Variants in ANO2 observed in about 807,000 individuals in gnomAD.
ANO2 encodes the protein anoctamin-2.
In ANO2, 101 loss-of-function variants were observed where a neutral mutation model predicts 124.2. The observed-to-expected ratio is 0.81, with a 90% CI of 0.69 to 0.96. The LOEUF (loss-of-function observed/expected upper bound fraction) is 0.96. Among genes scored for constraint, ANO2 ranks in the 40% least tolerant of loss-of-function variants. The pLI is 0.00. For missense variants in ANO2, 1,293 were observed against 1,274.5 expected (o/e 1.01, Z -0.22); for synonymous variants, 486 against 482.5 (o/e 1.01, Z -0.09).
chr12:5,563,147 A>T lies in ANO2; in HGVS notation c.*152T>A. The T allele has an allele frequency of 4.9e-6, 5 of 1,028,764 alleles. No individual in the cohort carries two copies. The highest frequency in any genetic ancestry group is 6.9e-6 in the Non-Finnish European group (5 of 728,894). The allele number at this position is 1,028,764 out of a possible 1,614,324, so 63.7% of individuals were successfully genotyped here. A position where few individuals can be genotyped will look rare whatever the true frequency, so the allele number is the denominator to read the frequency against. On this transcript the variant is annotated 3_prime_UTR_variant, in exon 25 of 25. Transcript: ENST00000682330. ...TCTTCCTTCCTACACTCATTCTGTC[A>T]GGCTCTTTCTTTTTACACACTGCCC...
chr12:5,679,308 G>A (rs776236253), intron 14 of ANO2, among the ~76,000 whole-genome samples: 1 of 152,210 alleles, frequency 6.6e-6, no homozygotes, highest in Admixed American at 6.5e-5. Context: ...AAGCTAAAGA[G>A]CTTCTGCACA....
intron 3 of ANO2, among the ~76,000 whole-genome samples, chr12:5,881,426 T>A (rs759615493): frequency 7.2e-5 from 11 of 152,148 alleles, no homozygotes; most frequent in Non-Finnish European, 1.6e-4. Context: ...CAGAGCCAAG[T>A]CTCTGTGAAA....
chr12:5,824,011 G>C (rs1953884493), intron 7 of ANO2, among the ~76,000 whole-genome samples: 1 of 152,170 alleles, frequency 6.6e-6, no homozygotes, highest in Non-Finnish European at 1.5e-5. Flanking sequence ...GGAGCGGCTG[G>C]AACACAGGGC....
intron 14 of ANO2, among the ~76,000 whole-genome samples, chr12:5,694,742 G>A (rs1565577616): frequency 6.6e-6 from 1 of 151,952 alleles, no homozygotes; most frequent in African/African-American, 2.4e-5. Context: ...TGTTTTGTTT[G>A]TTTGTTTGTT....
At chr12:5,665,921 T>C (rs1451601441) in intron 14 of ANO2, among the ~76,000 whole-genome samples, 1 of 152,016 alleles carries the variant, frequency 6.6e-6, no homozygotes. Flanking sequence ...TCATAACAAA[T>C]GATTAACGCA....
chr12:5,580,723 C>G (rs764852686), intron 20 of ANO2, among the ~76,000 whole-genome samples: 1 of 152,208 alleles, frequency 6.6e-6, no homozygotes, highest in Non-Finnish European at 1.5e-5. Context: ...AGGGAACAGG[C>G]ATGGAACTTT....
At chr12:5,834,220 C>T (rs993703507) in intron 4 of ANO2, among the ~76,000 whole-genome samples, 2 of 152,214 alleles carry the variant, frequency 1.3e-5, no homozygotes, top group Non-Finnish European at 2.9e-5. Context: ...CTTTAGGCTA[C>T]TAAGTGTGGG....
At chr12:5,653,262 A>G (rs1302714060) in intron 14 of ANO2, among the ~76,000 whole-genome samples, 2 of 152,184 alleles carry the variant, frequency 1.3e-5, no homozygotes, top group African/African-American at 2.4e-5. Context: ...CCTCCAGATA[A>G]TAACAAGAGG....
chr12:5,898,332 C>T (rs1000418427), intron 3 of ANO2, among the ~76,000 whole-genome samples: 1 of 152,164 alleles, frequency 6.6e-6, no homozygotes, highest in African/African-American at 2.4e-5. Flanking sequence ...GGAAACTTTC[C>T]AATAGTGTCT....
intron 20 of ANO2, among the ~76,000 whole-genome samples, chr12:5,582,939 G>A (rs1428409627): frequency 6.6e-6 from 1 of 151,956 alleles, no homozygotes; most frequent in African/African-American, 2.4e-5. Context: ...CGGTGCCTTG[G>A]GCATCTCTCA....
chr12:5,911,918 A>G (rs1565772450), intron 3 of ANO2, among the ~76,000 whole-genome samples: 4 of 152,244 alleles, frequency 2.6e-5, no homozygotes, highest in Admixed American at 2.6e-4. Flanking sequence ...GGTGGCACCC[A>G]GTAACAAAGA....
At chr12:5,921,394 C>T in intron 2 of ANO2, 28 bp from the exon 3 acceptor site, 4 of 1,603,532 alleles carry the variant, frequency 2.5e-6, no homozygotes, top group Non-Finnish European at 8.5e-7. Flanking sequence ...AGAGGCAGGG[C>T]AAGGTCTGGT....
rs1947279200 is a variant in ANO2, at chr12:5,658,530, T to C, written c.1546-10729A>G. Among the ~76,000 whole-genome samples the C allele has an allele frequency of 6.6e-6, 1 of 152,116 alleles. No homozygotes were observed. The highest frequency in any genetic ancestry group is 6.6e-5 in the Admixed American group (1 of 15,266). On this transcript the variant is annotated intron_variant, in intron 14 of 24. Transcript: ENST00000682330. This position sits in a 1 kb window ranked among gnomAD's most constrained non-coding sequence, Gnocchi z 4.3. ...ATCAATATAATCATCAACATCAATA[T>C]CATCGTATCAAAATCAATATAATCA...
chr12:5,831,904 TC>T (rs1320486004), intron 5 of ANO2, among the ~76,000 whole-genome samples: 2 of 152,056 alleles, frequency 1.3e-5, no homozygotes, highest in South Asian at 4.1e-4. Flanking sequence ...CAGCTGTGGC[TC>T]CCCCTTCCAA....
At chr12:5,603,312 A>G (rs4930739) in intron 19 of ANO2, among the ~76,000 whole-genome samples, 36,914 of 152,174 alleles carry the variant, frequency 0.24, 5,458 homozygotes, top group Admixed American at 0.35. Flanking sequence ...ATAACGACCA[A>G]TAAAACAAGA....
chr12:5,810,184 T>C (rs1953343713), intron 7 of ANO2, among the ~76,000 whole-genome samples: 1 of 152,060 alleles, frequency 6.6e-6, no homozygotes, highest in Non-Finnish European at 1.5e-5. Context: ...CAGTGGCTGA[T>C]AAGGGAAGGG....
chr12:5,729,527 G>A (rs577735751), intron 14 of ANO2, among the ~76,000 whole-genome samples: 1 of 152,296 alleles, frequency 6.6e-6, no homozygotes, highest in African/African-American at 2.4e-5. Context: ...TGAGGATGTG[G>A]AGATGCTGGA....
intron 14 of ANO2, among the ~76,000 whole-genome samples, chr12:5,693,499 C>T (rs372152308): frequency 2.6e-5 from 4 of 152,188 alleles, no homozygotes; most frequent in African/African-American, 9.7e-5. Context: ...TGGCTCCCCA[C>T]TCTGTCCCCG....
intron 3 of ANO2, among the ~76,000 whole-genome samples, chr12:5,863,765 A>G (rs1227428998): frequency 6.6e-6 from 1 of 152,242 alleles, no homozygotes; most frequent in African/African-American, 2.4e-5. Context: ...GCAAAAATGT[A>G]AAACAATGCA....
Sources: allele counts gnomAD v4.1 joint callset (sites outside exome capture counted in the v4.1 genomes callset), GRCh38; gene constraint gnomAD v4.1.1; non-coding constraint Gnocchi (gnomAD v3.1); transcripts MANE v1.5; gene names NCBI Gene and HGNC (gene_info 2026-07-23, HGNC 2026-07-21).